The following DLG2 variants were observed in gnomAD, a reference collection of about 807,000 sequenced individuals.
DLG2 encodes the protein disks large homolog 2.
A neutral mutation model predicts 132.5 loss-of-function variants in DLG2; 45 were observed. The observed-to-expected ratio is 0.34, with a 90% CI of 0.27 to 0.44. DLG2 has a LOEUF of 0.44. DLG2 is among the 20% of genes least tolerant of loss of function. The pLI is 1.00. For missense variants in DLG2, 1,045 were observed against 1,196.9 expected, an observed-to-expected ratio of 0.87 and a Z score of 1.87; for synonymous variants, 424 against 419.6, an observed-to-expected ratio of 1.01 and a Z score of -0.13.
chr11:84,780,729 A>T (rs550557243), intron 6 of DLG2, among the ~76,000 whole-genome samples: 10 of 152,200 alleles, frequency 6.6e-5, no homozygotes, highest in African/African-American at 2.4e-4. Flanking sequence ...ACATTTTTAA[A>T]ATTCAGATAT....
intron 3 of DLG2, among the ~76,000 whole-genome samples, chr11:85,504,280 C>A (rs1371131908): frequency 6.6e-6 from 1 of 151,940 alleles, no homozygotes; most frequent in Non-Finnish European, 1.5e-5. Context: ...GTCATGAAGT[C>A]CTTGCCCATG....
chr11:84,667,152 G>A (rs17147482), intron 6 of DLG2, among the ~76,000 whole-genome samples: 4,138 of 151,942 alleles, frequency 0.027, 171 homozygotes, highest in African/African-American at 0.092. Flanking sequence ...TTTATGAGAC[G>A]ACTTAAACAG....
chr11:84,525,959 G>C lies in DLG2; in HGVS notation c.519+8611C>G, dbSNP rs999816062. ...TCCTTCAAGTAAAAAATGATCTCGTGTATAATTTTTTTTCTCTGACAACAC... is the reference window on the plus strand; with the variant it reads ...TCCTTCAAGTAAAAAATGATCTCGTCTATAATTTTTTTTCTCTGACAACAC... On this transcript the variant is annotated intron_variant, in intron 7 of 27. Coordinates refer to ENST00000376104, the MANE Select transcript of DLG2 (RefSeq NM_001142699.3). Among the ~76,000 whole-genome samples, 13 of 152,038 alleles carry C rather than the reference G, an allele frequency of 8.6e-5. 1 individual carries two copies. Among genetic ancestry groups the C allele is most frequent in the Admixed American group, 7.2e-4 (11 of 15,268 alleles).
At chr11:83,724,502 A>T (rs535620284) in intron 18 of DLG2, among the ~76,000 whole-genome samples, 8,364 of 126,206 alleles carry the variant, frequency 0.066, 292 homozygotes, top group African/African-American at 0.086. Flanking sequence ...AGAGAGAGAG[A>T]GAGAGAGAGA....
At chr11:85,504,541 C>T (rs979670810) in intron 3 of DLG2, among the ~76,000 whole-genome samples, 6 of 152,124 alleles carry the variant, frequency 3.9e-5, no homozygotes, top group Non-Finnish European at 7.3e-5. Flanking sequence ...GGTATTATTT[C>T]TGAGGACTCT....
chr11:83,662,466 G>C (rs113700962), intron 18 of DLG2, among the ~76,000 whole-genome samples: 116 of 152,014 alleles, frequency 7.6e-4, no homozygotes, highest in African/African-American at 2.6e-3. Flanking sequence ...TATTCTCTTG[G>C]GCCAATATAT....
intron 6 of DLG2, among the ~76,000 whole-genome samples, chr11:84,878,608 T>C (rs915612510): frequency 6.6e-6 from 1 of 151,894 alleles, no homozygotes; most frequent in Non-Finnish European, 1.5e-5. Context: ...CTAATGTAGA[T>C]AATGGGTGGA....
At chr11:84,387,121 G>A (rs2098773871) in intron 7 of DLG2, among the ~76,000 whole-genome samples, 1 of 151,942 alleles carries the variant, frequency 6.6e-6, no homozygotes, top group Admixed American at 6.6e-5. Context: ...AAGCAGTTGA[G>A]TCCCAGGTCA....
intron 4 of DLG2, among the ~76,000 whole-genome samples, chr11:85,156,799 C>T (rs187809327): frequency 6.6e-6 from 1 of 152,278 alleles, no homozygotes; most frequent in Non-Finnish European, 1.5e-5. Context: ...ACCTGGTTGT[C>T]CTAAGGTGAT....
intron 19 of DLG2, among the ~76,000 whole-genome samples, chr11:83,547,993 A>G (rs2096281968): frequency 6.6e-6 from 1 of 152,152 alleles, no homozygotes; most frequent in African/African-American, 2.4e-5. Flanking sequence ...ATTTCCAGTG[A>G]AGCTTTAAAT....
chr11:85,057,469 A>T (rs1328898630), intron 6 of DLG2, among the ~76,000 whole-genome samples: 1 of 151,670 alleles, frequency 6.6e-6, no homozygotes, highest in Non-Finnish European at 1.5e-5. Context: ...ACCAAAACCA[A>T]TACAAGAGTA....
chr11:83,493,265 GC>G (rs549965655), intron 21 of DLG2, among the ~76,000 whole-genome samples: 4 of 151,890 alleles, frequency 2.6e-5, no homozygotes, highest in Non-Finnish European at 5.9e-5. Context: ...TATCAGTGAG[GC>G]TTTTTCTGAC....
chr11:84,514,615 G>A (rs2099267021), intron 7 of DLG2, among the ~76,000 whole-genome samples: 1 of 151,950 alleles, frequency 6.6e-6, no homozygotes, highest in Non-Finnish European at 1.5e-5. Flanking sequence ...TTGAACTCAT[G>A]GATTTAGGGA....
In DLG2 at chr11:84,939,868, T is replaced by C. The variant is rs188892344; in HGVS notation, c.357+171793A>G. ...GCTTCCAAATCTTGGCTATTGTGAA[T>C]AGTGCTGCAGTAAACATGAGAATGC... On this transcript the variant is annotated intron_variant, in intron 6 of 27. Coordinates refer to ENST00000376104, the MANE Select transcript of DLG2 (RefSeq NM_001142699.3). Among the ~76,000 whole-genome samples the C allele has an allele frequency of 3.7e-3, 571 of 152,346 alleles. 3 individuals carry two copies. The highest frequency in any genetic ancestry group is 4.8e-3 in the Non-Finnish European group (327 of 68,026).
intron 6 of DLG2, among the ~76,000 whole-genome samples, chr11:85,054,440 G>T (rs2063245665): frequency 6.6e-6 from 1 of 152,156 alleles, no homozygotes; most frequent in African/African-American, 2.4e-5. Context: ...AATGAATTCA[G>T]CCACTGTGGA....
intron 15 of DLG2, among the ~76,000 whole-genome samples, chr11:83,924,453 T>G (rs79087650): frequency 0.013 from 1,963 of 152,244 alleles, 45 homozygotes; most frequent in African/African-American, 0.044. Flanking sequence ...ATGGAAGGTT[T>G]ACTTTCTCTT....
chr11:84,084,790 T>C (rs924903711), intron 10 of DLG2, among the ~76,000 whole-genome samples: 35 of 152,190 alleles, frequency 2.3e-4, no homozygotes, highest in African/African-American at 7.7e-4. Flanking sequence ...AGAGAATCCC[T>C]CACCATTGAT....
chr11:84,057,178 C>G (rs542906703), intron 11 of DLG2, among the ~76,000 whole-genome samples: 28 of 152,218 alleles, frequency 1.8e-4, no homozygotes, highest in African/African-American at 6.0e-4. Context: ...CCAGCTGGAG[C>G]CCCAGTGTCA....
chr11:85,465,252 C>T (rs1471607216), intron 3 of DLG2, among the ~76,000 whole-genome samples: 1 of 151,398 alleles, frequency 6.6e-6, no homozygotes, highest in Non-Finnish European at 1.5e-5. Flanking sequence ...AAGCAAACTT[C>T]CCACCTCAGC....
Sources: allele counts gnomAD v4.1 joint callset (sites outside exome capture counted in the v4.1 genomes callset), GRCh38; gene constraint gnomAD v4.1.1; transcripts MANE v1.5; gene names NCBI Gene and HGNC (gene_info 2026-07-23, HGNC 2026-07-21).